NETO2: variants seen among roughly 807,000 people sequenced by gnomAD.
NETO2 encodes the protein neuropilin and tolloid like 2.
Under a neutral mutation model 62.5 loss-of-function variants are expected in NETO2, and 28 were observed. That is an observed-to-expected ratio of 0.45 (90% CI 0.33 to 0.61). The LOEUF (loss-of-function observed/expected upper bound fraction) is 0.61. NETO2 is among the 20% of genes least tolerant of loss of function. The pLI is 0.02. For synonymous variants in NETO2, 214 were observed against 219.1 expected (o/e 0.98, Z 0.21); for missense variants, 548 against 643.2 (o/e 0.85, Z 1.60).
intron 6 of NETO2, among the ~76,000 whole-genome samples, chr16:47,118,200 TTTGGG>T (rs1963960843): frequency 6.8e-6 from 1 of 146,026 alleles, no homozygotes; most frequent in African/African-American, 2.8e-5. Flanking sequence ...TCTCTCTTTG[TTTGGG>T]TGGTGGTCCC....
Position 47,109,665 on chromosome 16 carries a change from C to T in NETO2, c.701G>A (p.Cys234Tyr). 1.2e-6 allele frequency: 2 copies of T among 1,614,098 alleles called. No homozygotes were observed. The highest frequency in any genetic ancestry group is 8.5e-7 in the Non-Finnish European group (1 of 1,179,968). ...ATAGACTGCAACGAAGTTTCTCTTG[C>T]ATTCATTTGAGTGCTCCATTTGATA... is the stretch of plus-strand genomic sequence containing the variant. ...LDYQMEHSNE[C>Y]KRNFVAVYDG... The change falls in exon 7 of 9, where the codon TGC becomes TAC. Residue 234 changes from cysteine to tyrosine, a missense_variant. By Grantham distance (194) the Cys-to-Tyr change is radical. Coordinates refer to ENST00000562435, the MANE Select transcript of NETO2 (RefSeq NM_018092.5).
chr16:47,130,899 T>C (rs1964252585), intron 2 of NETO2, among the ~76,000 whole-genome samples: 1 of 152,102 alleles, frequency 6.6e-6, no homozygotes. Context: ...AAAAGTGTTC[T>C]AACTCCTGGT....
At position 47,089,320 on chromosome 16, in the gene NETO2, A is replaced by G. The variant is rs904421451; in HGVS notation, c.884-2981T>C. Among the ~76,000 whole-genome samples the G allele has an allele frequency of 4.6e-5, 7 of 152,224 alleles. No homozygotes were observed. The East Asian group carries it at 1.3e-3, about 29-fold the overall frequency. On this transcript the variant is annotated intron_variant, in intron 7 of 8. Coordinates refer to ENST00000562435, the MANE Select transcript of NETO2 (RefSeq NM_018092.5). ...AGAAAGCAGAAAAAAACAATGGGCT[A>G]GTAATCAATAAAAATGGTTTCTATT...
Position 47,133,809 on chromosome 16 carries a change from T to C in NETO2, c.35-1784A>G, listed in dbSNP as rs184986112. ...TGATTGTAACAAGTTTTGAATGGCA[T>C]GCTAAAAAGTGTGGACTTCTAACTA... On this transcript the variant is annotated intron_variant, in intron 1 of 8. Transcript: ENST00000562435. Among the ~76,000 whole-genome samples, 211 of 152,292 alleles carry C rather than the reference T, an allele frequency of 1.4e-3. 2 individuals carry two copies. The highest frequency in any genetic ancestry group is 7.9e-3 in the South Asian group (38 of 4,824).
chr16:47,080,616 A>G lies in NETO2; in HGVS notation c.*2605T>C, dbSNP rs1259214796. 6.6e-6 allele frequency: 1 copy of G among 152,216 alleles called. No homozygotes were observed. The highest frequency in any genetic ancestry group is 1.5e-5 in the Non-Finnish European group (1 of 68,036). 9.4% of individuals were successfully genotyped at this position (152,216 alleles called of 1,614,324 possible). A position where few individuals can be genotyped will look rare whatever the true frequency, so the allele number is the denominator to read the frequency against. Reference sequence around the variant, plus strand: ...TAGAGAAGTTTAATAAATAAATGAGATCTAATGCCCATCTATGATTCAATG... The same window carrying G: ...TAGAGAAGTTTAATAAATAAATGAGGTCTAATGCCCATCTATGATTCAATG... On this transcript the variant is annotated 3_prime_UTR_variant, in exon 9 of 9. Transcript: ENST00000562435.
At chr16:47,109,452 G>A in intron 7 of NETO2, 31 bp downstream of exon 7, 1 of 1,498,186 alleles carries the variant, frequency 6.7e-7, no homozygotes, top group Non-Finnish European at 9.3e-7. Flanking sequence ...ATATGTAAAA[G>A]ATCTCAATAC....
intron 7 of NETO2, among the ~76,000 whole-genome samples, chr16:47,103,138 C>A (rs879242958): frequency 6.6e-6 from 1 of 152,110 alleles, no homozygotes; most frequent in Non-Finnish European, 1.5e-5. Context: ...ATGTCCTTTG[C>A]ACGGACATGG....
chr16:47,121,520 G>A (rs1236917891), intron 6 of NETO2, among the ~76,000 whole-genome samples: 4 of 152,154 alleles, frequency 2.6e-5, no homozygotes, highest in African/African-American at 9.7e-5. Flanking sequence ...AGCTAGGGGG[G>A]ACCCCAGCCT....
intron 4 of NETO2, among the ~76,000 whole-genome samples, chr16:47,125,803 G>A (rs1301436343): frequency 6.6e-6 from 1 of 152,114 alleles, no homozygotes; most frequent in Non-Finnish European, 1.5e-5. Flanking sequence ...CAATCCTCCA[G>A]CCTCAGCCTC....
chr16:47,095,640 C>G (rs1963412721), intron 7 of NETO2, among the ~76,000 whole-genome samples: 1 of 152,022 alleles, frequency 6.6e-6, no homozygotes, highest in Admixed American at 6.6e-5. Flanking sequence ...GGACTAAAAA[C>G]AAAGGAGCCC....
intron 6 of NETO2, among the ~76,000 whole-genome samples, chr16:47,118,741 C>T (rs1210282793): frequency 6.6e-6 from 1 of 152,210 alleles, no homozygotes; most frequent in East Asian, 1.9e-4. Flanking sequence ...ATTTGTCTCT[C>T]CTAACTTCTA....
intron 7 of NETO2, among the ~76,000 whole-genome samples, chr16:47,086,673 C>T (rs1415781183): frequency 6.6e-6 from 1 of 152,084 alleles, no homozygotes; most frequent in Non-Finnish European, 1.5e-5. Flanking sequence ...ACACTGGAAC[C>T]CTTCTGTACT....
chr16:47,090,773 C>CTT (rs1963295583), intron 7 of NETO2, among the ~76,000 whole-genome samples: 1 of 152,200 alleles, frequency 6.6e-6, no homozygotes, highest in Non-Finnish European at 1.5e-5. Flanking sequence ...AAAACTGTTT[C>CTT]TTTCTTAAAG....
chr16:47,089,655 T>A (rs1963272297), intron 7 of NETO2, among the ~76,000 whole-genome samples: 1 of 152,194 alleles, frequency 6.6e-6, no homozygotes, highest in African/African-American at 2.4e-5. Context: ...ACAACAGGTA[T>A]CAGTTACACA....
rs1963109350 is a variant in NETO2, at chr16:47,083,320, C to T, written c.1479G>A (p.Glu493=). The part of the protein sequence containing the change: ...YTFKQGHECP[E]QALEDRVMEE... ...CCATTACTCGGTCTTCCAGGGCCTGCTCAGGGCACTCATGTCCCTGTTTGA... is the reference window on the plus strand; with the variant it reads ...CCATTACTCGGTCTTCCAGGGCCTGTTCAGGGCACTCATGTCCCTGTTTGA... The change falls in exon 9 of 9, where the codon GAG becomes GAA. Residue 493 remains glutamate, a synonymous_variant. Coordinates refer to ENST00000562435, the MANE Select transcript of NETO2 (RefSeq NM_018092.5). 1 of 1,614,208 alleles carries T rather than the reference C, an allele frequency of 6.2e-7. No homozygotes were observed. Among genetic ancestry groups the T allele is most frequent in the South Asian group, 1.1e-5 (1 of 91,082 alleles).
chr16:47,103,565 A>T (rs1035540823), intron 7 of NETO2, among the ~76,000 whole-genome samples: 1 of 152,178 alleles, frequency 6.6e-6, no homozygotes, highest in African/African-American at 2.4e-5. Flanking sequence ...TCTGATACCA[A>T]AGCTAGAAAA....
At chr16:47,116,958 T>G (rs1567392326) in intron 6 of NETO2, among the ~76,000 whole-genome samples, 1 of 152,198 alleles carries the variant, frequency 6.6e-6, no homozygotes, top group Non-Finnish European at 1.5e-5. Flanking sequence ...AGTGATAGAA[T>G]TCTCTCTTTC....
chr16:47,134,075 G>A (rs563667491), intron 1 of NETO2, among the ~76,000 whole-genome samples: 3 of 152,280 alleles, frequency 2.0e-5, no homozygotes, highest in African/African-American at 4.8e-5. Context: ...CTTACAGGAC[G>A]TGAGGGGTGA....
rs1336879458 is a variant in NETO2, at chr16:47,077,864, G to C, written c.*5357C>G. 1.3e-5 allele frequency: 2 copies of C among 152,330 alleles called. No individual in the cohort carries two copies. Among genetic ancestry groups the C allele is most frequent in the East Asian group, 3.9e-4 (2 of 5,180 alleles). 9.4% of individuals were successfully genotyped at this position (152,330 alleles called of 1,614,324 possible). On this transcript the variant is annotated 3_prime_UTR_variant, in exon 9 of 9. Transcript: ENST00000562435. ...GCCCTGATCTGTGCCTGATGCTTGT[G>C]AAACTCAGAGGAGTTTCTGCCTTCT...
Sources: gnomAD v4.1 joint callset for allele counts (sites outside exome capture counted in the v4.1 genomes callset) on GRCh38, gnomAD v4.1.1 for gene constraint, MANE v1.5 for transcripts, NCBI Gene and HGNC (gene_info 2026-07-23, HGNC 2026-07-21) for gene names.